The following CMSS1 variants were observed in gnomAD, a reference collection of about 807,000 sequenced individuals.
The protein encoded by CMSS1 is protein CMSS1.
In CMSS1, 33 loss-of-function variants were observed where a neutral mutation model predicts 43.5. That is an observed-to-expected ratio of 0.76 (90% confidence interval 0.57 to 1.01). CMSS1 has a LOEUF of 1.01. Ranked by LOEUF, CMSS1 falls within the 50% of genes least tolerant of loss-of-function variation. CMSS1 has a pLI of 0.00. For missense variants in CMSS1, 313 were observed against 326.4 expected (o/e 0.96, Z 0.32); for synonymous variants, 115 against 117.2 (o/e 0.98, Z 0.12).
At chr3:99,983,476 A>G (rs774988856) in intron 1 of CMSS1, among the ~76,000 whole-genome samples, 994 of 16,464 alleles carry the variant, frequency 0.06, 49 homozygotes, top group African/African-American at 0.2. Context: ...ATATATATAT[A>G]TATATATATA....
At chr3:99,988,695 C>CT (rs1240960974) in intron 1 of CMSS1, among the ~76,000 whole-genome samples, 1 of 152,112 alleles carries the variant, frequency 6.6e-6, no homozygotes, top group Non-Finnish European at 1.5e-5. Flanking sequence ...GAAATTAACC[C>CT]TTTCTATTTG....
At chr3:99,819,792 T>A (rs1353235663) in intron 1 of CMSS1, among the ~76,000 whole-genome samples, 1 of 151,316 alleles carries the variant, frequency 6.6e-6, no homozygotes, top group Non-Finnish European at 1.5e-5. Flanking sequence ...TCTCCCTCTG[T>A]CGCCCAGGCT....
At chr3:99,862,043 A>G (rs1287019557) in intron 1 of CMSS1, among the ~76,000 whole-genome samples, 1 of 152,200 alleles carries the variant, frequency 6.6e-6, no homozygotes, top group Non-Finnish European at 1.5e-5. Context: ...TTCTCATTAG[A>G]AGTAGGATGG....
chr3:99,845,758 TTTAA>T (rs1472934289), intron 1 of CMSS1, among the ~76,000 whole-genome samples: 2 of 152,224 alleles, frequency 1.3e-5, no homozygotes, highest in Non-Finnish European at 2.9e-5. Context: ...CTTTATGAAC[TTTAA>T]TTAGTAACAC....
At chr3:100,142,365 TAC>T (rs1399862590) in intron 1 of CMSS1, among the ~76,000 whole-genome samples, 3 of 152,204 alleles carry the variant, frequency 2.0e-5, no homozygotes, top group African/African-American at 7.2e-5. Flanking sequence ...CCATAAACAA[TAC>T]AGTGTAAGAA....
intron 1 of CMSS1, among the ~76,000 whole-genome samples, chr3:99,980,413 T>C (rs1177331018): frequency 1.3e-5 from 2 of 152,288 alleles, no homozygotes; most frequent in Admixed American, 1.3e-4. Context: ...TCAGATATGT[T>C]AGGTAACTGC....
intron 1 of CMSS1, among the ~76,000 whole-genome samples, chr3:100,122,461 G>A (rs535768269): frequency 5.3e-5 from 8 of 152,318 alleles, no homozygotes; most frequent in East Asian, 3.9e-4. Context: ...AGCCTAGGCC[G>A]GAGCCACATG....
rs1239743042 is a variant in CMSS1, at chr3:100,137,763, T to C, written c.65-9210T>C. ...TTGTATTTTTAGTAGAGACGGGGTT[T>C]CACCATGTTAGCCAGGATGGTTTCG... is the stretch of plus-strand genomic sequence containing the variant. On this transcript the variant is annotated intron_variant, in intron 1 of 9. Coordinates refer to ENST00000421999, the MANE Select transcript of CMSS1 (RefSeq NM_032359.4). Among the ~76,000 whole-genome samples the C allele has an allele frequency of 3.3e-5, 5 of 152,162 alleles. 1 individual carries two copies. The South Asian group carries it at 8.3e-4, about 25-fold the overall frequency.
At chr3:99,844,058 T>C (rs1337266019) in intron 1 of CMSS1, among the ~76,000 whole-genome samples, 4 of 150,550 alleles carry the variant, frequency 2.7e-5, no homozygotes, top group African/African-American at 9.8e-5. Context: ...TGGGAACTGC[T>C]GCTGTACAGT....
intron 1 of CMSS1, among the ~76,000 whole-genome samples, chr3:99,835,658 A>G (rs1244302330): frequency 6.6e-6 from 1 of 152,248 alleles, no homozygotes; most frequent in Non-Finnish European, 1.5e-5. Flanking sequence ...AAGGTGGTCA[A>G]TGACTGCATT....
At chr3:99,931,320 C>T (rs1707476235) in intron 1 of CMSS1, among the ~76,000 whole-genome samples, 1 of 152,194 alleles carries the variant, frequency 6.6e-6, no homozygotes, top group Admixed American at 6.5e-5. Context: ...AAGCATTCCA[C>T]CTCAGGAACC....
intron 1 of CMSS1, among the ~76,000 whole-genome samples, chr3:99,904,912 C>T (rs893856509): frequency 6.6e-6 from 1 of 152,202 alleles, no homozygotes; most frequent in African/African-American, 2.4e-5. Flanking sequence ...TCTACATCCT[C>T]ACCACCTTCT....
At chr3:99,932,231 C>G (rs1243660366) in intron 1 of CMSS1, among the ~76,000 whole-genome samples, 1 of 152,140 alleles carries the variant, frequency 6.6e-6, no homozygotes, top group Non-Finnish European at 1.5e-5. Flanking sequence ...TGGTATTTAT[C>G]ATTCCCCTGT....
At chr3:100,084,719 A>G (rs1229444129) in intron 1 of CMSS1, among the ~76,000 whole-genome samples, 1 of 152,222 alleles carries the variant, frequency 6.6e-6, no homozygotes, top group Non-Finnish European at 1.5e-5. Flanking sequence ...GATCAACCTC[A>G]CTTTTTCCAC....
chr3:100,107,337 T>C (rs1201841668), intron 1 of CMSS1, among the ~76,000 whole-genome samples: 1 of 152,164 alleles, frequency 6.6e-6, no homozygotes, highest in Non-Finnish European at 1.5e-5. Context: ...ACAAAGTGCA[T>C]GTGGGTTTTA....
At chr3:100,170,239 C>G (rs147327237) in intron 6 of CMSS1, among the ~76,000 whole-genome samples, 128 of 152,128 alleles carry the variant, frequency 8.4e-4, no homozygotes, top group African/African-American at 2.9e-3. Flanking sequence ...TATGTTTTTA[C>G]AGGTCAATAT....
intron 1 of CMSS1, among the ~76,000 whole-genome samples, chr3:99,840,251 C>G (rs1030745984): frequency 8.5e-6 from 1 of 117,246 alleles, no homozygotes; most frequent in Non-Finnish European, 1.7e-5. Context: ...TTTGAGACAG[C>G]CTTGCTCTGT....
At chr3:100,056,559 CT>C (rs1053416496) in intron 1 of CMSS1, among the ~76,000 whole-genome samples, 3 of 152,158 alleles carry the variant, frequency 2.0e-5, no homozygotes, top group African/African-American at 7.2e-5. Flanking sequence ...GCTGCTAGCC[CT>C]TACTGGCTTT....
intron 1 of CMSS1, among the ~76,000 whole-genome samples, chr3:99,909,745 T>G (rs185911152): frequency 4.6e-5 from 7 of 152,372 alleles, no homozygotes; most frequent in Non-Finnish European, 1.5e-5. Flanking sequence ...CTATCAGTTA[T>G]AGTTAATTTA....
Sources: gnomAD v4.1 joint callset for allele counts (sites outside exome capture counted in the v4.1 genomes callset) on GRCh38, gnomAD v4.1.1 for gene constraint, MANE v1.5 for transcripts, NCBI Gene and HGNC (gene_info 2026-07-23, HGNC 2026-07-21) for gene names.